The following ELSPBP1 variants were observed in gnomAD, a reference collection of about 807,000 sequenced individuals.
ELSPBP1 encodes epididymal sperm binding protein 1, also known as epididymal sperm-binding protein 1.
In ELSPBP1, 38 loss-of-function variants were observed where a neutral mutation model predicts 33.3. The ratio of observed to expected loss-of-function variants is 1.14; its 90% CI spans 0.88 to 1.50. The LOEUF (loss-of-function observed/expected upper bound fraction) is 1.50. ELSPBP1 is among the 40% of genes most tolerant of loss of function. The probability of loss-of-function intolerance (pLI) is 0.00; values close to 1 mark genes in which losing one functional copy is unlikely to be tolerated. For missense variants in ELSPBP1, 267 were observed against 263.5 expected (o/e 1.01, Z -0.09); for synonymous variants, 85 against 94.1 (o/e 0.90, Z 0.56).
rs1212863637 is a variant in ELSPBP1, at chr19:48,011,748, G to GTGGAGAA, written c.71-2420_71-2414dup. On this transcript the variant is annotated intron_variant, in intron 2 of 6. Coordinates refer to ENST00000339841, the MANE Select transcript of ELSPBP1 (RefSeq NM_022142.5). This position sits in a 1 kb window ranked among gnomAD's most constrained non-coding sequence, Gnocchi z 4.5. ...TTATGATGATGCCAATGACAATAGC[G>GTGGAGAA]TGGAGAATGATGATGATGACAGTGA... 2.0e-5 allele frequency among the ~76,000 whole-genome samples: 3 copies of GTGGAGAA among 152,104 alleles called. No homozygotes were observed. Among genetic ancestry groups the GTGGAGAA allele is most frequent in the Admixed American group, 2.0e-4 (3 of 15,282 alleles).
intron 1 of ELSPBP1, among the ~76,000 whole-genome samples, chr19:48,006,161 T>C (rs1967015343): frequency 6.6e-6 from 1 of 152,126 alleles, no homozygotes; most frequent in African/African-American, 2.4e-5. Flanking sequence ...GGTCTCACTA[T>C]GTTGTCCAGG....
In ELSPBP1 at chr19:48,022,270, T is replaced by TGTG; in HGVS notation, c.616_618dup (p.Val206dup). The TGTG allele has an allele frequency of 6.2e-7, 1 of 1,613,798 alleles. No individual in the cohort carries two copies. The highest frequency in any genetic ancestry group is 8.5e-7 in the Non-Finnish European group (1 of 1,179,858). ...CTAACGAAGGATCAAAGGAGAACCT[T>TGTG]GTGTGGTGTGCAACTTCTTACAACT... On this transcript the variant is annotated inframe_insertion, in exon 6 of 7. Coordinates refer to ENST00000339841, the MANE Select transcript of ELSPBP1 (RefSeq NM_022142.5).
At chr19:48,015,745 A>G (rs1967124641) in intron 3 of ELSPBP1, 148 bp from the exon 4 acceptor site, 1 of 658,626 alleles carries the variant, frequency 1.5e-6, no homozygotes, top group Admixed American at 3.0e-5. Context: ...TGTATATGGC[A>G]TAGGCAAATG....
chr19:48,017,356 G>A (rs897383336), intron 4 of ELSPBP1, among the ~76,000 whole-genome samples: 1 of 152,130 alleles, frequency 6.6e-6, no homozygotes, highest in Admixed American at 6.6e-5. Flanking sequence ...CACCATTTGT[G>A]TTCTTTACTA....
rs554183885 is a variant in ELSPBP1, at chr19:47,995,833, T to A, written c.-18+1022T>A. Among the ~76,000 whole-genome samples the A allele has an allele frequency of 3.9e-5, 6 of 152,288 alleles. 1 individual carries two copies. In the East Asian group the frequency reaches 7.7e-4, roughly 20 times the overall value. ...AAATGACCTTCCCAAGGCCACCCAG[T>A]TGAAACATGGGAGAGGTAGGATTTG... On this transcript the variant is annotated intron_variant, in intron 1 of 6. Coordinates refer to ENST00000339841, the MANE Select transcript of ELSPBP1 (RefSeq NM_022142.5).
intron 3 of ELSPBP1, among the ~76,000 whole-genome samples, chr19:48,015,427 G>T (rs547017127): frequency 1.3e-5 from 2 of 152,080 alleles, no homozygotes; most frequent in Non-Finnish European, 2.9e-5. Context: ...AGGCCGAGGC[G>T]GGTGGATCAC....
chr19:48,023,486 G>A (rs568436322), intron 6 of ELSPBP1, among the ~76,000 whole-genome samples: 46 of 41,384 alleles, frequency 1.1e-3, no homozygotes, highest in African/African-American at 2.1e-3. Flanking sequence ...GAGGAGGGAA[G>A]GGAGGGAGGG....
rs200336076 is a variant in ELSPBP1, at chr19:48,014,309, G to T, written c.208+1G>T. On this transcript the variant is annotated splice_donor_variant, in intron 3 of 6. Coordinates refer to ENST00000339841, the MANE Select transcript of ELSPBP1 (RefSeq NM_022142.5). LOFTEE classifies it high-confidence loss of function. ...CAGTGGAAGTACTGCCAGAGTGAAG[G>T]TGAGTGGTATCACATTGTCCCTGCC... The T allele has an allele frequency of 1.2e-6, 2 of 1,613,424 alleles. No homozygotes were observed. The highest frequency in any genetic ancestry group is 1.7e-6 in the Non-Finnish European group (2 of 1,179,872).
At chr19:48,003,371 A>G (rs1966985371) in intron 1 of ELSPBP1, among the ~76,000 whole-genome samples, 1 of 152,192 alleles carries the variant, frequency 6.6e-6, no homozygotes, top group Admixed American at 6.6e-5. Context: ...GGCAAAGAGA[A>G]GAGCGAGTGC....
chr19:48,021,770 C>T (rs140922814), intron 5 of ELSPBP1, among the ~76,000 whole-genome samples: 8 of 151,940 alleles, frequency 5.3e-5, no homozygotes, highest in East Asian at 1.9e-4. Context: ...TTTTAGAGAC[C>T]GGATCTCCAT....
chr19:48,015,644 T>G (rs576246446), intron 3 of ELSPBP1, among the ~76,000 whole-genome samples: 1 of 152,138 alleles, frequency 6.6e-6, no homozygotes, highest in East Asian at 1.9e-4. Flanking sequence ...GGCAACAGAG[T>G]GAGACTCTGT....
chr19:48,007,857 G>A (rs897526455), intron 1 of ELSPBP1, among the ~76,000 whole-genome samples: 1 of 152,128 alleles, frequency 6.6e-6, no homozygotes, highest in Non-Finnish European at 1.5e-5. Context: ...TAAAATGGGG[G>A]TTAAAACATG....
intron 1 of ELSPBP1, among the ~76,000 whole-genome samples, chr19:47,999,346 T>G (rs1325394473): frequency 1.3e-5 from 2 of 151,606 alleles, no homozygotes; most frequent in Non-Finnish European, 2.9e-5. Context: ...CATTATCTAT[T>G]TCCAGGAACT....
rs141308822 is a variant in ELSPBP1, at chr19:48,011,987, C to A, written c.71-2184C>A. Reference sequence around the variant, plus strand: ...TCATCCCAGGTCTACAAAAAAAAAGCAATCAACTTTAATTAGTCCTTATTG... The same window carrying A: ...TCATCCCAGGTCTACAAAAAAAAAGAAATCAACTTTAATTAGTCCTTATTG... On this transcript the variant is annotated intron_variant, in intron 2 of 6. Coordinates refer to ENST00000339841, the MANE Select transcript of ELSPBP1 (RefSeq NM_022142.5). This position sits in a 1 kb window ranked among gnomAD's most constrained non-coding sequence, Gnocchi z 4.5. 7.3e-4 allele frequency among the ~76,000 whole-genome samples: 111 copies of A among 152,164 alleles called. No homozygotes were observed. The highest frequency in any genetic ancestry group is 2.5e-3 in the African/African-American group (102 of 41,528).
chr19:48,021,796 C>T (rs1967202990), intron 5 of ELSPBP1, among the ~76,000 whole-genome samples: 1 of 152,010 alleles, frequency 6.6e-6, no homozygotes, highest in African/African-American at 2.4e-5. Context: ...ACCTAGGCTA[C>T]AGTGCAGTGG....
chr19:48,016,466 TTC>T (rs1665387610), intron 4 of ELSPBP1, among the ~76,000 whole-genome samples: 4 of 35,064 alleles, frequency 1.1e-4, no homozygotes, highest in African/African-American at 8.8e-4. Context: ...TTTTCTTTCC[TTC>T]TTTCTTTCTT....
intron 1 of ELSPBP1, among the ~76,000 whole-genome samples, chr19:47,995,047 T>C (rs1393306400): frequency 4.6e-5 from 7 of 152,250 alleles, no homozygotes; most frequent in Non-Finnish European, 7.3e-5. Flanking sequence ...CAACACATAA[T>C]GAATACAAAT....
At chr19:48,016,291 TATTGGCTTC>T (rs1411207261) in intron 4 of ELSPBP1, among the ~76,000 whole-genome samples, 2 of 152,188 alleles carry the variant, frequency 1.3e-5, no homozygotes, top group African/African-American at 2.4e-5. Flanking sequence ...GAAGTCCTGA[TATTGGCTTC>T]TGAGTATTTC....
At chr19:48,014,426 G>T in intron 3 of ELSPBP1, 118 bp downstream of exon 3, 1 of 1,120,166 alleles carries the variant, frequency 8.9e-7, no homozygotes, top group Non-Finnish European at 1.2e-6. Flanking sequence ...ATACGTATGC[G>T]TGCGTAGAAA....
Sources: gnomAD v4.1 joint callset for allele counts (sites outside exome capture counted in the v4.1 genomes callset) on GRCh38, gnomAD v4.1.1 for gene constraint, Gnocchi (gnomAD v3.1) non-coding constraint, MANE v1.5 for transcripts, NCBI Gene and HGNC (gene_info 2026-07-23, HGNC 2026-07-21) for gene names.